DLC1: variants seen among roughly 807,000 people sequenced by gnomAD.
DLC1 encodes rho GTPase-activating protein 7.
DLC1 carries 54 observed loss-of-function variants against 140.3 expected under a neutral mutation model. That is an observed-to-expected ratio of 0.38 (90% CI 0.31 to 0.48). The LOEUF (loss-of-function observed/expected upper bound fraction) is 0.48, where lower values mean the gene tolerates loss of function less well. DLC1 is among the 20% of genes least tolerant of loss of function. The probability of loss-of-function intolerance (pLI) is 0.96; values close to 1 mark genes in which losing one functional copy is unlikely to be tolerated. For missense variants in DLC1, 2,536 were observed against 1,907.0 expected (o/e 1.33, Z -6.14); for synonymous variants, 986 against 728.1 (o/e 1.35, Z -5.70).
intron 1 of DLC1, chr8:13,557,997 C>T (rs1804111577): frequency 6.6e-6 from 1 of 152,132 alleles, no homozygotes; most frequent in Non-Finnish European, 1.5e-5. Flanking sequence ...CCAGAAAGTT[C>T]ATTGGCACTA....
At position 13,494,771 on chromosome 8, in the gene DLC1, C is replaced by T. The variant is rs190680679; in HGVS notation, c.1023+4278G>A. Among the ~76,000 whole-genome samples the T allele has an allele frequency of 4.8e-3, 736 of 152,034 alleles. 5 individuals carry two copies. The highest frequency in any genetic ancestry group is 7.5e-3 in the Non-Finnish European group (511 of 67,970). The stretch of plus-strand genomic sequence containing the variant: ...TTTGAGACCAGGCTGGCCAACATGG[C>T]GAAACCCCATGTCTACTAAAAATAT... On this transcript the variant is annotated intron_variant, in intron 2 of 17. Coordinates refer to ENST00000276297, the MANE Select transcript of DLC1 (RefSeq NM_182643.3).
chr8:13,144,343 G>A (rs1202208290), intron 5 of DLC1, among the ~76,000 whole-genome samples: 1 of 152,192 alleles, frequency 6.6e-6, no homozygotes, highest in African/African-American at 2.4e-5. Context: ...ACCACTGTCA[G>A]ATTCCTTGGT....
At chr8:13,570,599 C>T (rs12545533) in intron 1 of DLC1, among the ~76,000 whole-genome samples, 146,863 of 148,906 alleles carry the variant, frequency 0.99, 72,472 homozygotes, top group Non-Finnish European at 1. Flanking sequence ...TCCAATTTCA[C>T]CCATGTCCCT....
At chr8:13,246,355 T>G (rs1186323619) in intron 5 of DLC1, among the ~76,000 whole-genome samples, 1 of 152,256 alleles carries the variant, frequency 6.6e-6, no homozygotes, top group Non-Finnish European at 1.5e-5. Flanking sequence ...CAGATGAGAT[T>G]GATTGGCCCA....
intron 1 of DLC1, chr8:13,567,244 A>G (rs965362238): frequency 1.9e-6 from 3 of 1,551,692 alleles, no homozygotes; most frequent in Non-Finnish European, 1.7e-6. Flanking sequence ...GAAGTTGAGT[A>G]AAAAATGGAT....
At chr8:13,145,923 G>A (rs1255323995) in intron 5 of DLC1, among the ~76,000 whole-genome samples, 13 of 152,082 alleles carry the variant, frequency 8.5e-5, no homozygotes, top group Non-Finnish European at 1.5e-4. Context: ...GTTCTTCATT[G>A]CGTGGTGGGT....
intron 1 of DLC1, among the ~76,000 whole-genome samples, chr8:13,585,297 C>T (rs1260171880): frequency 6.6e-6 from 1 of 152,104 alleles, no homozygotes; most frequent in Non-Finnish European, 1.5e-5. Context: ...AGCATGGTGG[C>T]TTACACCTGT....
In DLC1 at chr8:13,297,292, A is replaced by AAAACAAAAAAAAAAAAAAAAAC. The variant is rs1563233238; in HGVS notation, c.1348+7976_1348+7977insGTTTTTTTTTTTTTTTTTGTTT. On this transcript the variant is annotated intron_variant, in intron 5 of 17. Transcript: ENST00000276297. ...GAGGCCTTCATACATTAAAAAAAAA[A>AAAACAAAAAAAAAAAAAAAAAC]AAAACTGAAGCAAGTATTTATAAGC... Among the ~76,000 whole-genome samples the AAAACAAAAAAAAAAAAAAAAAC allele has an allele frequency of 4.8e-5, 7 of 144,454 alleles. 1 individual carries two copies. The highest frequency in any genetic ancestry group is 1.8e-4 in the African/African-American group (7 of 39,200). The allele number at this position is 144,454 out of a possible 152,430, so 94.8% of individuals were successfully genotyped here. A position where few individuals can be genotyped will look rare whatever the true frequency, so the allele number is the denominator to read the frequency against.
chr8:13,171,996 G>C (rs1185940100), intron 5 of DLC1, among the ~76,000 whole-genome samples: 1 of 152,158 alleles, frequency 6.6e-6, no homozygotes, highest in Non-Finnish European at 1.5e-5. Flanking sequence ...CCAAGACTAA[G>C]AAGATCAGTA....
chr8:13,220,486 G>A (rs1585940573), intron 5 of DLC1, among the ~76,000 whole-genome samples: 1 of 152,234 alleles, frequency 6.6e-6, no homozygotes. Context: ...ATTTTCAGCA[G>A]AGACCAAATG....
At position 13,596,563 on chromosome 8, in the gene DLC1, GT is replaced by G. The variant is rs1303621790; in HGVS notation, c.-126+7973del. The stretch of plus-strand genomic sequence containing the variant: ...AGAAATTAGCAGAGTAACAATACTA[GT>G]TTTTTAAAGAGTGCTTGTGCTTTGA... On this transcript the variant is annotated intron_variant, in intron 1 of 1. Transcript: ENST00000631382. 3.3e-5 allele frequency among the ~76,000 whole-genome samples: 5 copies of G among 152,128 alleles called. No individual in the cohort carries two copies. In the East Asian group the frequency reaches 9.7e-4, roughly 29 times the overall value.
At chr8:13,252,320 C>T (rs1830041410) in intron 5 of DLC1, among the ~76,000 whole-genome samples, 1 of 152,114 alleles carries the variant, frequency 6.6e-6, no homozygotes, top group Admixed American at 6.5e-5. Flanking sequence ...AAATGAGCAG[C>T]ATTAGATATA....
intron 2 of DLC1, among the ~76,000 whole-genome samples, chr8:13,437,531 G>T (rs1158711021): frequency 2.6e-5 from 4 of 152,158 alleles, no homozygotes; most frequent in Non-Finnish European, 5.9e-5. Context: ...TTAATTCTAT[G>T]TTTATGTCTT....
At chr8:13,181,194 C>G (rs1563142526) in intron 5 of DLC1, among the ~76,000 whole-genome samples, 1 of 152,062 alleles carries the variant, frequency 6.6e-6, no homozygotes, top group Non-Finnish European at 1.5e-5. Flanking sequence ...TGCTCTCACT[C>G]CAAAACCTTT....
At chr8:13,223,490 T>C (rs765444297) in intron 5 of DLC1, among the ~76,000 whole-genome samples, 1 of 152,318 alleles carries the variant, frequency 6.6e-6, no homozygotes, top group East Asian at 1.9e-4. Flanking sequence ...TTAAAAACCC[T>C]AGAAGAAAAA....
intron 5 of DLC1, among the ~76,000 whole-genome samples, chr8:13,118,635 T>C (rs1180218261): frequency 6.6e-6 from 1 of 152,186 alleles, no homozygotes; most frequent in Non-Finnish European, 1.5e-5. Context: ...CGCCTACACT[T>C]TCCAATTCAT....
chr8:13,351,573 G>A (rs1437567760), intron 4 of DLC1, among the ~76,000 whole-genome samples: 1 of 152,138 alleles, frequency 6.6e-6, no homozygotes, highest in Non-Finnish European at 1.5e-5. Flanking sequence ...AAATCATAGT[G>A]TCCACAAGAA....
chr8:13,295,743 G>C (rs1228953716), intron 5 of DLC1, among the ~76,000 whole-genome samples: 1 of 152,104 alleles, frequency 6.6e-6, no homozygotes, highest in African/African-American at 2.4e-5. Flanking sequence ...TGAGGTCAAA[G>C]TAATAGCTTG....
At chr8:13,503,831 A>T (rs557177771) in intron 1 of DLC1, among the ~76,000 whole-genome samples, 1 of 152,212 alleles carries the variant, frequency 6.6e-6, no homozygotes, top group Non-Finnish European at 1.5e-5. Context: ...GTAGACAAGG[A>T]TAATAGTTAC....
Sources: allele counts gnomAD v4.1 joint callset (sites outside exome capture counted in the v4.1 genomes callset), GRCh38; gene constraint gnomAD v4.1.1; transcripts MANE v1.5; gene names NCBI Gene and HGNC (gene_info 2026-07-23, HGNC 2026-07-21).